USP36: variants seen among roughly 807,000 people sequenced by gnomAD.
The protein encoded by USP36 is ubiquitin specific peptidase 36.
Under a neutral mutation model 111.5 loss-of-function variants are expected in USP36, and 59 were observed. The ratio of observed to expected loss-of-function variants is 0.53; its 90% CI spans 0.43 to 0.66. The LOEUF (loss-of-function observed/expected upper bound fraction) is 0.66. Among genes scored for constraint, USP36 ranks in the 30% least tolerant of loss-of-function variants. The probability of loss-of-function intolerance (pLI) is 0.00; values close to 1 mark genes in which losing one functional copy is unlikely to be tolerated. For synonymous variants in USP36, 628 were observed against 581.0 expected, an observed-to-expected ratio of 1.08 and a Z score of -1.16; for missense variants, 1,488 against 1,468.0, an observed-to-expected ratio of 1.01 and a Z score of -0.22.
At chr17:78,837,134 T>C (rs972267876) in intron 2 of USP36, among the ~76,000 whole-genome samples, 1 of 152,232 alleles carries the variant, frequency 6.6e-6, no homozygotes, top group Non-Finnish European at 1.5e-5. Context: ...GAATTTCACC[T>C]GCTTCTTTTT....
chr17:78,833,531 G>A (rs61035362), intron 4 of USP36, among the ~76,000 whole-genome samples: 8,588 of 152,082 alleles, frequency 0.056, 770 homozygotes, highest in African/African-American at 0.19. Flanking sequence ...GGAGCCTCAC[G>A]CAACTCTGTA....
chr17:78,830,593 C>A (rs904508807), intron 4 of USP36, among the ~76,000 whole-genome samples: 1 of 152,226 alleles, frequency 6.6e-6, no homozygotes, highest in Non-Finnish European at 1.5e-5. Context: ...CTACACAGTG[C>A]ATTACCTATT....
chr17:78,816,708 C>T (rs971075860), intron 10 of USP36, among the ~76,000 whole-genome samples: 1 of 152,100 alleles, frequency 6.6e-6, no homozygotes, highest in Non-Finnish European at 1.5e-5. Flanking sequence ...AACTCCCAGT[C>T]TCAAGCAATC....
rs2145658154 is a variant in USP36 at position 78,836,196 on chromosome 17, T to C, written c.168A>G (p.Leu56=). The change falls in exon 3 of 21, where the codon TTA becomes TTG. Residue 56 remains leucine (L), a synonymous_variant. Coordinates refer to ENST00000449938, the MANE Select transcript of USP36 (RefSeq NM_001385174.1). ...GGTTGAGCAACACATATTTGCTCTTTAAGGCCTCCAGCTGGTAGGAGAAGC... is the reference window on the plus strand; with the variant it reads ...GGTTGAGCAACACATATTTGCTCTTCAAGGCCTCCAGCTGGTAGGAGAAGC... ...SKSFSYQLEA[L]KSKYVLLNPK... The C allele has an allele frequency of 6.2e-7, 1 of 1,614,212 alleles. No homozygotes were observed. The highest frequency in any genetic ancestry group is 2.2e-5 in the East Asian group (1 of 44,878).
intron 5 of USP36, among the ~76,000 whole-genome samples, chr17:78,828,146 T>A: frequency 6.6e-6 from 1 of 152,136 alleles, no homozygotes; most frequent in Non-Finnish European, 1.5e-5. Context: ...TCCAAGAGTT[T>A]GAGGCTGCAG....
At chr17:78,821,090 G>A (rs769008664) in intron 7 of USP36, 29 bp from the exon 8 acceptor site, 2 of 1,576,354 alleles carry the variant, frequency 1.3e-6, no homozygotes, top group African/African-American at 1.3e-5. Flanking sequence ...AGTGGAGCAG[G>A]TGGGGCCTGG....
At chr17:78,802,586 G>A (rs371250301) in intron 16 of USP36, 51 bp from the exon 17 acceptor site, 8 of 1,533,006 alleles carry the variant, frequency 5.2e-6, no homozygotes, top group Non-Finnish European at 7.0e-6. Flanking sequence ...TGGAAGGGGA[G>A]CAGGAGCGCA....
intron 1 of USP36, among the ~76,000 whole-genome samples, chr17:78,839,046 G>A (rs1030535410): frequency 1.3e-5 from 2 of 152,124 alleles, no homozygotes; most frequent in Non-Finnish European, 2.9e-5. Context: ...AGAGTAAGAG[G>A]TAATAAATCC....
At position 78,827,295 on chromosome 17, in the gene USP36, C is replaced by T; in HGVS notation, c.639G>A (p.Leu213=). 2 of 1,614,032 alleles carry T rather than the reference C, an allele frequency of 1.2e-6. No individual in the cohort carries two copies. The highest frequency in any genetic ancestry group is 1.7e-6 in the Non-Finnish European group (2 of 1,179,992). Residue 213 remains leucine (L), a synonymous_variant, in exon 6 of 21, where the codon CTG becomes CTA. Coordinates refer to ENST00000449938, the MANE Select transcript of USP36 (RefSeq NM_001385174.1). The part of the protein sequence containing the change: ...FGNQEDAHEF[L]RYTIDAMQKA... ...TCTGCATGGCGTCGATGGTGTACCGCAGGAACTCATGCGCGTCCTCCTGGT... is the reference window on the plus strand; with the variant it reads ...TCTGCATGGCGTCGATGGTGTACCGTAGGAACTCATGCGCGTCCTCCTGGT...
intron 6 of USP36, chr17:78,826,728 T>G: frequency 4.3e-6 from 1 of 230,644 alleles, no homozygotes; most frequent in East Asian, 9.2e-5. Context: ...AGGGCTTACG[T>G]GGCGTGTGAA....
rs2093810516 is a variant in USP36, at chr17:78,803,559, T to C, written c.2636A>G (p.Gln879Arg). The part of the protein sequence containing the change: ...PGSPMYRREG[Q>R]AQLPAVRRQE... ...CCGTCTGACAGCGGGCAGCTGTGCC[T>C]GGCCCTCCCTCCTGTACATGGGGCT... Residue 879 changes from glutamine (Q) to arginine (R), a missense_variant, in exon 16 of 21, where the codon CAG (glutamine) becomes CGG (arginine). Gln to Arg is a conservative substitution (Grantham distance 43). Transcript: ENST00000449938. The surrounding 1 kb of genome is among the most constrained non-coding windows in gnomAD (Gnocchi z 4.6). The C allele has an allele frequency of 3.7e-6, 6 of 1,613,428 alleles. No homozygotes were observed. The highest frequency in any genetic ancestry group is 1.1e-5 in the South Asian group (1 of 91,082).
intron 3 of USP36, among the ~76,000 whole-genome samples, chr17:78,789,861 G>C (rs2093567973): frequency 6.6e-6 from 1 of 152,220 alleles, no homozygotes; most frequent in East Asian, 1.9e-4. Context: ...AGGGCTCAGG[G>C]AAGGCAATGT....
rs563476903 is a variant in USP36, at chr17:78,798,456, G to A, written c.3336C>T (p.His1112=). Residue 1112 remains histidine (H), a synonymous_variant, in exon 20 of 21, where the codon CAC becomes CAT. Coordinates refer to ENST00000449938, the MANE Select transcript of USP36 (RefSeq NM_001385174.1). The surrounding 1 kb of genome is among the most constrained non-coding windows in gnomAD (Gnocchi z 5.1). ...QTRRNFWSVT[H]PAKAASLSYR... ...AGCTGAGGCTGGCAGCCTTTGCTGG[G>A]TGAGTCACAGACCAGAAGTTCCGTC... The A allele has an allele frequency of 6.2e-7, 1 of 1,614,208 alleles. No individual in the cohort carries two copies. The highest frequency in any genetic ancestry group is 8.5e-7 in the Non-Finnish European group (1 of 1,180,038).
intron 15 of USP36, 61 bp from the exon 16 acceptor site, chr17:78,804,039 T>C: frequency 7.7e-7 from 1 of 1,296,368 alleles, no homozygotes; most frequent in Non-Finnish European, 1.1e-6. Context: ...GAGCTGTTCC[T>C]TCTGTCTACC....
intron 13 of USP36, among the ~76,000 whole-genome samples, chr17:78,811,061 G>A (rs967372226): frequency 6.7e-6 from 1 of 149,186 alleles, no homozygotes; most frequent in Non-Finnish European, 1.5e-5. Flanking sequence ...CTGCATAGTG[G>A]CAGAGGCTGC....
chr17:78,804,317 C>A (rs780033044), intron 15 of USP36, among the ~76,000 whole-genome samples: 3 of 151,792 alleles, frequency 2.0e-5, no homozygotes, highest in Non-Finnish European at 4.4e-5. Context: ...CAAAATTAGC[C>A]GGGCGTGGTG....
intron 17 of USP36, among the ~76,000 whole-genome samples, chr17:78,801,403 T>A (rs1202372680): frequency 6.6e-6 from 1 of 152,208 alleles, no homozygotes; most frequent in East Asian, 1.9e-4. Flanking sequence ...GTTGGATAAA[T>A]ACAAATCAGT....
rs1254516856 is a variant in USP36, at chr17:78,803,412, C to A, written c.2783G>T (p.Gly928Val). 3.1e-6 allele frequency: 5 copies of A among 1,613,780 alleles called. No individual in the cohort carries two copies. Among genetic ancestry groups the A allele is most frequent in the Non-Finnish European group, 4.2e-6 (5 of 1,179,900 alleles). Reference sequence around the variant, plus strand: ...GTGCCGAAGTGGGTCCTGGTGCAGGCCGCCTTCTTCACCAAGACCTTCTGC... The same window carrying A: ...GTGCCGAAGTGGGTCCTGGTGCAGGACGCCTTCTTCACCAAGACCTTCTGC... ...KGAEGLGEEG[G>V]LHQDPLRHSC... The change falls in exon 16 of 21, where the codon GGC becomes GTC. Residue 928 changes from glycine to valine, a missense_variant. Transcript: ENST00000449938. The surrounding 1 kb of genome is among the most constrained non-coding windows in gnomAD (Gnocchi z 4.6).
At chr17:78,837,550 G>A (rs754795412) in intron 2 of USP36, among the ~76,000 whole-genome samples, 2 of 152,096 alleles carry the variant, frequency 1.3e-5, no homozygotes, top group Non-Finnish European at 2.9e-5. Context: ...GATCGATACT[G>A]TTGGTGCAGC....
Sources: gnomAD v4.1 joint callset for allele counts (sites outside exome capture counted in the v4.1 genomes callset) on GRCh38, gnomAD v4.1.1 for gene constraint, Gnocchi (gnomAD v3.1) non-coding constraint, MANE v1.5 for transcripts, NCBI Gene and HGNC (gene_info 2026-07-23, HGNC 2026-07-21) for gene names.